The following RSRC1 variants were observed in gnomAD, a reference collection of about 807,000 sequenced individuals.
The protein encoded by RSRC1 is serine/Arginine-related protein 53.
Under a neutral mutation model 49.1 loss-of-function variants are expected in RSRC1, and 39 were observed. The observed-to-expected ratio is 0.79, with a 90% CI of 0.61 to 1.04. The LOEUF is 1.04. RSRC1 is among the 50% of genes least tolerant of loss of function. The probability of loss-of-function intolerance (pLI) is 0.00; values close to 1 mark genes in which losing one functional copy is unlikely to be tolerated. For missense variants in RSRC1, 388 were observed against 402.4 expected (o/e 0.96, Z 0.31); for synonymous variants, 143 against 130.8 (o/e 1.09, Z -0.63).
At chr3:158,310,407 A>G (rs972067481) in intron 5 of RSRC1, among the ~76,000 whole-genome samples, 3 of 151,752 alleles carry the variant, frequency 2.0e-5, no homozygotes, top group Non-Finnish European at 4.4e-5. Context: ...TTTAATCACA[A>G]TATTTCCTAC....
At position 158,123,997 on chromosome 3, in the gene RSRC1, C is replaced by A; in HGVS notation, c.320+6C>A. The A allele has an allele frequency of 6.4e-7, 1 of 1,565,290 alleles. No homozygotes were observed. Among genetic ancestry groups the A allele is most frequent in the Non-Finnish European group, 8.7e-7 (1 of 1,155,730 alleles). ...TCAAAAAGCAGAACAAGAAGGTATG[C>A]CTTATTAAGTATTTATTGCTTTGTA... On this transcript the variant is annotated splice_donor_region_variant and intron_variant, in intron 3 of 9. Transcript: ENST00000611884.
intron 5 of RSRC1, among the ~76,000 whole-genome samples, chr3:158,324,813 C>G (rs1270965171): frequency 6.6e-6 from 1 of 152,204 alleles, no homozygotes; most frequent in Non-Finnish European, 1.5e-5. Flanking sequence ...GCCACACTGT[C>G]TTCCACAATG....
At chr3:158,164,537 T>G (rs1466228347) in intron 3 of RSRC1, among the ~76,000 whole-genome samples, 1 of 152,106 alleles carries the variant, frequency 6.6e-6, no homozygotes, top group African/African-American at 2.4e-5. Flanking sequence ...TTATAGCCAG[T>G]GTTTTTTTTC....
At chr3:158,124,031 T>G (rs1433503037) in intron 3 of RSRC1, 40 bp downstream of exon 3, 2 of 1,393,042 alleles carry the variant, frequency 1.4e-6, no homozygotes, top group Non-Finnish European at 1.9e-6. Flanking sequence ...TAACAAATTA[T>G]TCCCAAATTC....
chr3:158,382,348 T>TA, intron 6 of RSRC1, among the ~76,000 whole-genome samples: 1 of 152,164 alleles, frequency 6.6e-6, no homozygotes, highest in African/African-American at 2.4e-5. Context: ...AAAATAATGA[T>TA]AAAAAGTATA....
intron 5 of RSRC1, among the ~76,000 whole-genome samples, chr3:158,333,001 C>T (rs992700442): frequency 6.7e-6 from 1 of 149,048 alleles, no homozygotes; most frequent in African/African-American, 2.5e-5. Flanking sequence ...CAGAGTCTCG[C>T]TCTTTCGCCC....
At chr3:158,520,788 A>G (rs2108489433) in intron 7 of RSRC1, among the ~76,000 whole-genome samples, 1 of 152,324 alleles carries the variant, frequency 6.6e-6, no homozygotes, top group East Asian at 1.9e-4. Context: ...TGATTATTAA[A>G]TGAGTTTAAG....
chr3:158,203,024 G>A (rs752942532), intron 3 of RSRC1, 48 bp from the exon 4 acceptor site: 340 of 1,439,668 alleles, frequency 2.4e-4, no homozygotes, highest in Non-Finnish European at 3.1e-4. Context: ...TACTTTTCAC[G>A]ATACAAATTA....
intron 7 of RSRC1, among the ~76,000 whole-genome samples, chr3:158,514,722 A>T (rs958983282): frequency 1.3e-5 from 2 of 151,858 alleles, no homozygotes; most frequent in Non-Finnish European, 2.9e-5. Context: ...TGGGGTGTTA[A>T]AGTCTCCCAT....
chr3:158,492,827 C>A (rs1293413067), intron 7 of RSRC1, among the ~76,000 whole-genome samples: 1 of 152,088 alleles, frequency 6.6e-6, no homozygotes. Context: ...CTTTTATCTC[C>A]TTTCTATCCC....
chr3:158,204,937 T>C (rs1721265304), intron 4 of RSRC1, among the ~76,000 whole-genome samples: 1 of 152,134 alleles, frequency 6.6e-6, no homozygotes, highest in Non-Finnish European at 1.5e-5. Context: ...AAGGTTAGAT[T>C]GTGTTAAAAA....
chr3:158,543,981 C>G (rs1230036515), intron 9 of RSRC1, among the ~76,000 whole-genome samples: 4 of 152,044 alleles, frequency 2.6e-5, no homozygotes, highest in African/African-American at 9.7e-5. Flanking sequence ...GATGTTGATA[C>G]TAGTAGTTCT....
At chr3:158,538,233 AATTT>A (rs1712828893) in intron 8 of RSRC1, among the ~76,000 whole-genome samples, 1 of 151,816 alleles carries the variant, frequency 6.6e-6, no homozygotes. Flanking sequence ...TTTTTAAAAT[AATTT>A]ATTCAGGAGA....
intron 6 of RSRC1, among the ~76,000 whole-genome samples, chr3:158,366,360 C>T (rs1246859126): frequency 6.6e-6 from 1 of 152,232 alleles, no homozygotes; most frequent in Non-Finnish European, 1.5e-5. Context: ...CAGTTTTCTG[C>T]ATATGGCTAG....
chr3:158,166,814 G>C (rs976631011), intron 3 of RSRC1, among the ~76,000 whole-genome samples: 21 of 152,072 alleles, frequency 1.4e-4, no homozygotes, highest in African/African-American at 5.1e-4. Flanking sequence ...TTTGCTTTTT[G>C]TTAATACCTT....
At chr3:158,443,072 G>T (rs1047494488) in intron 6 of RSRC1, among the ~76,000 whole-genome samples, 4 of 152,000 alleles carry the variant, frequency 2.6e-5, no homozygotes, top group African/African-American at 9.7e-5. Flanking sequence ...AAGCTTTGTT[G>T]TTCCATTTAT....
intron 3 of RSRC1, among the ~76,000 whole-genome samples, chr3:158,194,491 CTTT>C (rs368635096): frequency 7.9e-6 from 1 of 126,562 alleles, no homozygotes; most frequent in African/African-American, 3.0e-5. Context: ...CTTTGAGATT[CTTT>C]TTTTTTTTTT....
chr3:158,427,375 T>C (rs1283174900), intron 6 of RSRC1, among the ~76,000 whole-genome samples: 1 of 151,852 alleles, frequency 6.6e-6, no homozygotes, highest in African/African-American at 2.4e-5. Context: ...TTAACGCAGT[T>C]ATTCAAAATC....
At chr3:158,312,745 A>G (rs957025984) in intron 5 of RSRC1, among the ~76,000 whole-genome samples, 1 of 152,104 alleles carries the variant, frequency 6.6e-6, no homozygotes, top group African/African-American at 2.4e-5. Flanking sequence ...CTGAAATACC[A>G]TATCTTGCTA....
Sources: gnomAD v4.1 joint callset for allele counts (sites outside exome capture counted in the v4.1 genomes callset) on GRCh38, gnomAD v4.1.1 for gene constraint, MANE v1.5 for transcripts, NCBI Gene and HGNC (gene_info 2026-07-23, HGNC 2026-07-21) for gene names.